The following COL15A1 variants were observed in gnomAD, a reference collection of about 807,000 sequenced individuals.
COL15A1 encodes collagen type XV alpha 1 chain, also known as collagen alpha-1(XV) chain.
In COL15A1, 111 loss-of-function variants were observed where a neutral mutation model predicts 165.9. The ratio of observed to expected loss-of-function variants is 0.67; its 90% CI spans 0.57 to 0.78. The LOEUF (loss-of-function observed/expected upper bound fraction) is 0.78. COL15A1 is among the 30% of genes least tolerant of loss of function. COL15A1 has a pLI of 0.00. For missense variants in COL15A1, 1,745 were observed against 1,789.7 expected, an observed-to-expected ratio of 0.98 and a Z score of 0.45; for synonymous variants, 659 against 674.8, an observed-to-expected ratio of 0.98 and a Z score of 0.36.
intron 2 of COL15A1, among the ~76,000 whole-genome samples, chr9:98,981,545 AG>A (rs1838235882): frequency 6.6e-6 from 1 of 152,258 alleles, no homozygotes; most frequent in Non-Finnish European, 1.5e-5. Context: ...GAAAAATAAA[AG>A]CAAGTTTCAG....
At chr9:99,055,009 A>C in intron 32 of COL15A1, 93 bp from the exon 33 acceptor site, 1 of 1,051,596 alleles carries the variant, frequency 9.5e-7, no homozygotes, top group Non-Finnish European at 1.5e-6. Flanking sequence ...GCTCACATCC[A>C]CTAAGATGTA....
intron 9 of COL15A1, among the ~76,000 whole-genome samples, chr9:99,010,487 G>T (rs925048593): frequency 6.6e-6 from 1 of 152,250 alleles, no homozygotes; most frequent in Non-Finnish European, 1.5e-5. Flanking sequence ...GAGAAGGGGA[G>T]TGGAAGAAGG....
intron 2 of COL15A1, among the ~76,000 whole-genome samples, chr9:98,954,010 G>T (rs547198611): frequency 6.6e-6 from 1 of 152,218 alleles, no homozygotes; most frequent in Non-Finnish European, 1.5e-5. Context: ...CTGAAGAGCC[G>T]CATTAGACTC....
At chr9:99,016,556 G>T (rs1334707864) in intron 11 of COL15A1, among the ~76,000 whole-genome samples, 2 of 152,202 alleles carry the variant, frequency 1.3e-5, no homozygotes, top group Non-Finnish European at 2.9e-5. Flanking sequence ...GATTTCTTTG[G>T]CCCTCCGTTT....
Position 98,944,269 on chromosome 9 carries a change from G to C in COL15A1, c.100+19G>C. 1 of 1,609,998 alleles carries C rather than the reference G, an allele frequency of 6.2e-7. No homozygotes were observed. The highest frequency in any genetic ancestry group is 1.1e-5 in the South Asian group (1 of 90,576). On this transcript the variant is annotated intron_variant, in intron 2 of 41. Transcript: ENST00000375001. ...GCGACAGGTAAGCAACCCGGTCGGA[G>C]GGTGGCACCGGCTGCCTCCGCGCCC...
At position 99,063,053 on chromosome 9, in the gene COL15A1, C is replaced by T. The variant is rs1391985435; in HGVS notation, c.3595C>T (p.His1199Tyr). The T allele has an allele frequency of 6.3e-7, 1 of 1,595,802 alleles. No homozygotes were observed. Among genetic ancestry groups the T allele is most frequent in the Middle Eastern group, 1.7e-4 (1 of 6,028 alleles). ...CTTTTCCTCCTTTTCATAACAGCCA[C>T]ATCAGCTTCTGCCTCCACCAAACCC... is the stretch of plus-strand genomic sequence containing the variant. ...PPPPALSSNPHQLLPPPNPIS... is the reference protein window; with the variant it reads ...PPPPALSSNPYQLLPPPNPIS... The change falls in exon 39 of 42, where the codon CAT (histidine) becomes TAT (tyrosine). Residue 1199 changes from histidine (H) to tyrosine (Y), a missense_variant. Coordinates refer to ENST00000375001, the MANE Select transcript of COL15A1 (RefSeq NM_001855.5).
chr9:99,044,683 G>T (rs764143649), intron 25 of COL15A1, 47 bp downstream of exon 25: 7 of 1,612,318 alleles, frequency 4.3e-6, no homozygotes, highest in Non-Finnish European at 5.9e-6. Flanking sequence ...CCCCAGCTTT[G>T]CATCTTTGTT....
At chr9:98,986,197 T>C in intron 3 of COL15A1, 85 bp downstream of exon 3, 1 of 1,079,878 alleles carries the variant, frequency 9.3e-7, no homozygotes, top group Non-Finnish European at 1.3e-6. Flanking sequence ...ATTATTGTTA[T>C]TATTTTATTC....
At chr9:98,990,433 T>A (rs985045840) in intron 5 of COL15A1, among the ~76,000 whole-genome samples, 1 of 152,114 alleles carries the variant, frequency 6.6e-6, no homozygotes, top group Non-Finnish European at 1.5e-5. Flanking sequence ...ACCTGGTGAT[T>A]GGGGAGGGCA....
intron 2 of COL15A1, among the ~76,000 whole-genome samples, chr9:98,977,439 C>T (rs1008953531): frequency 3.9e-5 from 6 of 152,262 alleles, no homozygotes; most frequent in African/African-American, 1.2e-4. Context: ...AGGTGGCCCT[C>T]CTGCTGGAGG....
intron 23 of COL15A1, chr9:99,041,268 A>T (rs1454764618): frequency 6.6e-6 from 1 of 152,290 alleles, no homozygotes; most frequent in Non-Finnish European, 1.5e-5. Flanking sequence ...ACTGCTAAAC[A>T]ATAATAACAA....
In COL15A1 at chr9:99,024,910, G is replaced by A. The variant is rs765275519; in HGVS notation, c.1891G>A (p.Gly631Arg). The part of the protein sequence containing the change: ...PGPPGPPGLP[G>R]IPGKPGTDVF... ...ACCCCCAGGGCCACCTGGCTTACCT[G>A]GGATTCCAGGAAAACCAGGAACTGA... Residue 631 changes from glycine (G) to arginine (R), a missense_variant, in exon 15 of 42, where the codon GGG (glycine) becomes AGG (arginine). Physicochemically the swap from Gly to Arg is moderately radical, Grantham distance 125. Coordinates refer to ENST00000375001, the MANE Select transcript of COL15A1 (RefSeq NM_001855.5). 7.4e-6 allele frequency: 12 copies of A among 1,613,898 alleles called. No individual in the cohort carries two copies. In the South Asian group the frequency reaches 1.3e-4, roughly 18 times the overall value.
intron 2 of COL15A1, among the ~76,000 whole-genome samples, chr9:98,956,295 G>T (rs1837774904): frequency 6.6e-6 from 1 of 152,136 alleles, no homozygotes; most frequent in Non-Finnish European, 1.5e-5. Flanking sequence ...GGCAGAGAAA[G>T]TCCCCATCTC....
chr9:99,016,429 T>C (rs779630391), intron 11 of COL15A1, among the ~76,000 whole-genome samples: 16 of 152,200 alleles, frequency 1.1e-4, no homozygotes, highest in Non-Finnish European at 1.9e-4. Flanking sequence ...GTGGCGGGTC[T>C]GTAGAGGGGA....
intron 28 of COL15A1, 141 bp downstream of exon 28, chr9:99,048,141 AC>A (rs1839524932): frequency 1.4e-6 from 1 of 698,298 alleles, no homozygotes. Flanking sequence ...AGGTCCTCCC[AC>A]CCAGCCCTGT....
rs80181799 is a variant in COL15A1 at position 99,065,504 on chromosome 9, G to A, written c.3652-1378G>A. 0.01 allele frequency among the ~76,000 whole-genome samples: 1,574 copies of A among 151,938 alleles called. 59 individuals are homozygous for A. The South Asian group carries it at 0.11, about 10-fold the overall frequency. ...GGTGGAAGTCTGGTGGCCTGCCTGT[G>A]ATTGTGGTGGGTGGGCAGCATGCTA... On this transcript the variant is annotated intron_variant, in intron 39 of 41. Coordinates refer to ENST00000375001, the MANE Select transcript of COL15A1 (RefSeq NM_001855.5).
intron 2 of COL15A1, among the ~76,000 whole-genome samples, chr9:98,954,286 G>A (rs1837740246): frequency 6.6e-6 from 1 of 152,144 alleles, no homozygotes; most frequent in South Asian, 2.1e-4. Context: ...GGGCCAAAAA[G>A]AGGAGTTTAA....
intron 39 of COL15A1, among the ~76,000 whole-genome samples, chr9:99,066,599 G>GTTTTTTTTTTTTT (rs67961829): frequency 2.4e-4 from 17 of 71,038 alleles, no homozygotes; most frequent in African/African-American, 6.8e-4. Flanking sequence ...ATTTTGTTCT[G>GTTTTTTTTTTTTT]TTTTTTTTTT....
intron 2 of COL15A1, among the ~76,000 whole-genome samples, chr9:98,962,342 A>G (rs746720385): frequency 6.6e-6 from 1 of 152,172 alleles, no homozygotes; most frequent in Non-Finnish European, 1.5e-5. Flanking sequence ...CTCCTGTCCA[A>G]GCCATTCCTT....
Sources: allele counts gnomAD v4.1 joint callset (sites outside exome capture counted in the v4.1 genomes callset), GRCh38; gene constraint gnomAD v4.1.1; transcripts MANE v1.5; gene names NCBI Gene and HGNC (gene_info 2026-07-23, HGNC 2026-07-21).